The following ATAD5 variants were observed in gnomAD, a reference collection of about 807,000 sequenced individuals.
ATAD5 encodes the protein ATPase family AAA domain containing 5.
In ATAD5, 58 loss-of-function variants were observed where a neutral mutation model predicts 176.9. That is an observed-to-expected ratio of 0.33 (90% CI 0.27 to 0.41). The LOEUF is 0.41. ATAD5 is among the 10% of genes least tolerant of loss of function. The probability of loss-of-function intolerance (pLI) is 1.00; values close to 1 mark genes in which losing one functional copy is unlikely to be tolerated. For missense variants in ATAD5, 1,789 were observed against 2,094.1 expected, an observed-to-expected ratio of 0.85 and a Z score of 2.84; for synonymous variants, 640 against 712.6, an observed-to-expected ratio of 0.90 and a Z score of 1.62.
At chr17:30,877,938 T>TA in intron 16 of ATAD5, 65 bp from the exon 17 acceptor site, 1 of 1,117,350 alleles carries the variant, frequency 8.9e-7, no homozygotes, top group Non-Finnish European at 1.3e-6. Context: ...CATAGAATAT[T>TA]TACTATGTAT....
chr17:30,860,425 C>A lies in ATAD5; in HGVS notation c.2957-8C>A. On this transcript the variant is annotated splice_region_variant and splice_polypyrimidine_tract_variant and intron_variant, in intron 9 of 22. Coordinates refer to ENST00000321990, the MANE Select transcript of ATAD5 (RefSeq NM_024857.5). ...TAAGCACATGCACTTCTTTAATTCC[C>A]AAAGCAGAACTGGAGGCTGATGTCA... is the stretch of plus-strand genomic sequence containing the variant. The A allele has an allele frequency of 6.3e-7, 1 of 1,579,862 alleles. No homozygotes were observed. Among genetic ancestry groups the A allele is most frequent in the South Asian group, 1.2e-5 (1 of 83,702 alleles).
chr17:30,859,284 A>T (rs2142369386), intron 9 of ATAD5, among the ~76,000 whole-genome samples: 1 of 152,230 alleles, frequency 6.6e-6, no homozygotes, highest in East Asian at 1.9e-4. Flanking sequence ...TAGCTTGTAT[A>T]AAAGACAGTC....
intron 1 of ATAD5, 82 bp from the exon 2 acceptor site, chr17:30,834,066 A>T: frequency 1.7e-6 from 2 of 1,156,356 alleles, no homozygotes; most frequent in South Asian, 4.5e-5. Context: ...CCTATTATGT[A>T]AACTATTAGA....
chr17:30,884,555 A>C (rs559819048), intron 18 of ATAD5, among the ~76,000 whole-genome samples: 1 of 148,298 alleles, frequency 6.7e-6, no homozygotes, highest in African/African-American at 2.5e-5. Flanking sequence ...CAGCCTCCCG[A>C]GTAGCTGGGA....
Position 30,832,246 on chromosome 17 carries a change from A to C in ATAD5, c.-102A>C. The C allele has an allele frequency of 9.1e-7, 1 of 1,101,802 alleles. No homozygotes were observed. The highest frequency in any genetic ancestry group is 1.2e-6 in the Non-Finnish European group (1 of 821,698). 68.3% of individuals were successfully genotyped at this position (1,101,802 alleles called of 1,614,324 possible). A position where few individuals can be genotyped will look rare whatever the true frequency, so the allele number is the denominator to read the frequency against. Reference sequence around the variant, plus strand: ...ATCCGAAACGGCTCAGCAGAATCCCAGCAGCTTGCTGCTACTGGAGCGGGC... The same window carrying C: ...ATCCGAAACGGCTCAGCAGAATCCCCGCAGCTTGCTGCTACTGGAGCGGGC... On this transcript the variant is annotated 5_prime_UTR_variant, in exon 1 of 23. Transcript: ENST00000321990.
At chr17:30,884,719 G>A (rs534443144) in intron 18 of ATAD5, among the ~76,000 whole-genome samples, 12 of 149,236 alleles carry the variant, frequency 8.0e-5, no homozygotes, top group Non-Finnish European at 1.8e-4. Context: ...GTGAGCCACC[G>A]CACCTGCCCC....
chr17:30,892,859 C>A, intron 20 of ATAD5, 71 bp downstream of exon 20: 1 of 1,267,974 alleles, frequency 7.9e-7, no homozygotes, highest in Non-Finnish European at 1.1e-6. Context: ...AGCCTCCTAT[C>A]TTTTGAATCT....
rs774844495 is a variant in ATAD5, at chr17:30,843,896, C to A, written c.2242-17C>A. ...TTATATGATTTAATTAAAATTTATTCTCTTATTTTGTCTTAGGATTCTGTT... is the reference window on the plus strand; with the variant it reads ...TTATATGATTTAATTAAAATTTATTATCTTATTTTGTCTTAGGATTCTGTT... On this transcript the variant is annotated splice_polypyrimidine_tract_variant and intron_variant, in intron 4 of 22. Transcript: ENST00000321990. 1.6e-6 allele frequency: 2 copies of A among 1,258,736 alleles called. No homozygotes were observed. The highest frequency in any genetic ancestry group is 2.2e-6 in the Non-Finnish European group (2 of 927,780). The allele number at this position is 1,258,736 out of a possible 1,614,324, so 78.0% of individuals were successfully genotyped here. A position where few individuals can be genotyped will look rare whatever the true frequency, so the allele number is the denominator to read the frequency against.
At position 30,877,924 on chromosome 17, in the gene ATAD5, CAG is replaced by C. The variant is rs1159331586; in HGVS notation, c.3919-77_3919-76del. ...ATAAATTCATAAATTTTGTCTCTAA[CAG>C]ACATAGAATATTTACTATGTATACA... On this transcript the variant is annotated intron_variant, in intron 16 of 22. Coordinates refer to ENST00000321990, the MANE Select transcript of ATAD5 (RefSeq NM_024857.5). The C allele has an allele frequency of 4.9e-6, 5 of 1,023,224 alleles. No individual in the cohort carries two copies. In the African/African-American group the frequency reaches 6.7e-5, roughly 14 times the overall value. 63.4% of individuals were successfully genotyped at this position (1,023,224 alleles called of 1,614,324 possible).
chr17:30,888,992 G>A (rs527297402), intron 19 of ATAD5, among the ~76,000 whole-genome samples: 9 of 150,410 alleles, frequency 6.0e-5, no homozygotes, highest in Admixed American at 2.6e-4. Context: ...CCCAGGAGGC[G>A]GAGGCTGCAG....
chr17:30,888,468 TG>T (rs1364292667), intron 19 of ATAD5, among the ~76,000 whole-genome samples: 1 of 151,902 alleles, frequency 6.6e-6, no homozygotes, highest in Non-Finnish European at 1.5e-5. Flanking sequence ...CACTAGAATC[TG>T]GGAGATCGAG....
intron 2 of ATAD5, 70 bp from the exon 3 acceptor site, chr17:30,837,136 A>G (rs3764420): frequency 0.11 from 98,102 of 853,240 alleles, 6,584 homozygotes; most frequent in South Asian, 0.24. Context: ...TATTTTATCT[A>G]TATTTAATTG....
chr17:30,863,143 T>C (rs1446001397), intron 10 of ATAD5: 1 of 152,264 alleles, frequency 6.6e-6, no homozygotes, highest in Non-Finnish European at 1.5e-5. Context: ...TGAGCCATGA[T>C]TGCACCACTA....
At chr17:30,859,028 G>A (rs954277259) in intron 9 of ATAD5, among the ~76,000 whole-genome samples, 1 of 151,974 alleles carries the variant, frequency 6.6e-6, no homozygotes, top group African/African-American at 2.4e-5. Context: ...GAGTCACCAC[G>A]CCCAGCCTAA....
intron 14 of ATAD5, among the ~76,000 whole-genome samples, chr17:30,871,524 AT>A (rs1443840842): frequency 6.6e-6 from 1 of 150,948 alleles, no homozygotes; most frequent in African/African-American, 2.4e-5. Context: ...ATGTTTTTGT[AT>A]TTTTAATAGA....
Position 30,892,680 on chromosome 17 carries a change from T to C in ATAD5, c.4332T>C (p.Thr1444=). The C allele has an allele frequency of 6.2e-7, 1 of 1,602,926 alleles. No homozygotes were observed. The highest frequency in any genetic ancestry group is 8.5e-7 in the Non-Finnish European group (1 of 1,175,346). The part of the protein sequence containing the change: ...GLDNKIYPKN[T]KKKRVDLPKC... Reference sequence around the variant, plus strand: ...ATAACAAAATTTACCCTAAAAATACTAAAAAGAAACGTGTAGACCTTCCAA... The same window carrying C: ...ATAACAAAATTTACCCTAAAAATACCAAAAAGAAACGTGTAGACCTTCCAA... Residue 1444 remains threonine (T), a synonymous_variant, in exon 20 of 23, where the codon ACT becomes ACC. Transcript: ENST00000321990.
intron 19 of ATAD5, among the ~76,000 whole-genome samples, chr17:30,888,289 C>T (rs747991301): frequency 4.6e-5 from 7 of 152,112 alleles, no homozygotes; most frequent in Non-Finnish European, 8.8e-5. Context: ...CAGTGTCTCA[C>T]AACTGTAATC....
chr17:30,881,437 T>C (rs1236564566), intron 18 of ATAD5, among the ~76,000 whole-genome samples: 1 of 152,146 alleles, frequency 6.6e-6, no homozygotes, highest in Non-Finnish European at 1.5e-5. Flanking sequence ...GTAATTGGGA[T>C]TGGAGACGCA....
intron 18 of ATAD5, among the ~76,000 whole-genome samples, chr17:30,884,739 ATTTC>A (rs1909220385): frequency 9.8e-6 from 1 of 101,800 alleles, no homozygotes; most frequent in African/African-American, 3.9e-5. Flanking sequence ...CTTTCCTTAT[ATTTC>A]TTTTTCTTTT....
Sources: allele counts gnomAD v4.1 joint callset (sites outside exome capture counted in the v4.1 genomes callset), GRCh38; gene constraint gnomAD v4.1.1; transcripts MANE v1.5; gene names NCBI Gene and HGNC (gene_info 2026-07-23, HGNC 2026-07-21).